NAA35: variants seen among roughly 807,000 people sequenced by gnomAD.
NAA35 encodes N-alpha-acetyltransferase 35, NatC auxiliary subunit.
A neutral mutation model predicts 101.7 loss-of-function variants in NAA35; 18 were observed. The observed-to-expected ratio is 0.18, with a 90% CI of 0.12 to 0.26. The LOEUF is 0.26. NAA35 is among the 10% of genes least tolerant of loss of function. The pLI, the probability that NAA35 is intolerant of heterozygous loss-of-function variation, is 1.00. For missense variants in NAA35, 601 were observed against 886.8 expected (o/e 0.68, Z 4.09); for synonymous variants, 267 against 273.1 (o/e 0.98, Z 0.22).
At chr9:85,986,926 T>A (rs1440094572) in intron 11 of NAA35, 1 of 165,352 alleles carries the variant, frequency 6.0e-6, no homozygotes, top group African/African-American at 2.4e-5. Flanking sequence ...AGGGCCACCC[T>A]GGAAGAAGAA....
At chr9:85,957,071 AC>A (rs1451860111) in intron 3 of NAA35, among the ~76,000 whole-genome samples, 3 of 152,020 alleles carry the variant, frequency 2.0e-5, no homozygotes, top group Non-Finnish European at 1.5e-5. Flanking sequence ...GTGCCGACCC[AC>A]CCCCTCACAG....
chr9:86,009,829 T>A lies in NAA35; in HGVS notation c.1224-36T>A, dbSNP rs201266480. The stretch of plus-strand genomic sequence containing the variant: ...TAATTGCTGCTGCTTTTGTTTGGGC[T>A]GAATAGATTTTAATGATGTGACTGT... On this transcript the variant is annotated intron_variant, in intron 14 of 22. Coordinates refer to ENST00000361671, the MANE Select transcript of NAA35 (RefSeq NM_024635.4). 1.7e-3 allele frequency: 2,611 copies of A among 1,536,802 alleles called. 70 individuals carry two copies. In the South Asian group the frequency reaches 0.027, roughly 16 times the overall value.
Position 86,007,376 on chromosome 9 carries a change from A to C in NAA35, c.1135A>C (p.Asn379His). ...TTTTAAGACCACTTTCCTGGTGGATAACAAAAAGGTCTTTGGAACTCATCT... is the reference window on the plus strand; with the variant it reads ...TTTTAAGACCACTTTCCTGGTGGATCACAAAAAGGTCTTTGGAACTCATCT... ...SLLQTTFLVD[N>H]KKVFGTHLMQ... The change falls in exon 14 of 23, where the codon AAC becomes CAC. Residue 379 changes from asparagine to histidine, a missense_variant. By Grantham distance (68) the Asn-to-His change is moderately conservative. Around this residue, in one of 8 missense-constraint regions of NAA35, gnomAD observed 190 missense variants for 223.1 expected, o/e 0.85. Coordinates refer to ENST00000361671, the MANE Select transcript of NAA35 (RefSeq NM_024635.4). The C allele has an allele frequency of 6.2e-7, 1 of 1,613,274 alleles. No homozygotes were observed. Among genetic ancestry groups the C allele is most frequent in the Non-Finnish European group, 8.5e-7 (1 of 1,179,402 alleles).
chr9:85,970,776 G>C (rs1403151425), intron 6 of NAA35, among the ~76,000 whole-genome samples: 7 of 152,176 alleles, frequency 4.6e-5, no homozygotes, highest in Non-Finnish European at 8.8e-5. Context: ...GATTAAAGGA[G>C]GTTAGAGACA....
chr9:85,978,244 G>A, intron 10 of NAA35, 23 bp from the exon 11 acceptor site: 1 of 1,382,886 alleles, frequency 7.2e-7, no homozygotes, highest in Non-Finnish European at 1.0e-6. Flanking sequence ...ATGTAAGAAT[G>A]TTTTTGGTGA....
chr9:85,974,846 C>T, intron 6 of NAA35, 121 bp from the exon 7 acceptor site: 2 of 680,868 alleles, frequency 2.9e-6, no homozygotes, highest in South Asian at 1.9e-5. Context: ...GGATGACCTC[C>T]CATTTCTCTT....
chr9:85,971,187 C>G (rs1829983063), intron 6 of NAA35, among the ~76,000 whole-genome samples: 1 of 152,132 alleles, frequency 6.6e-6, no homozygotes, highest in Admixed American at 6.5e-5. Context: ...TAATGATTTG[C>G]TTATGTTACT....
chr9:85,942,978 C>CA (rs1254512254), intron 2 of NAA35, among the ~76,000 whole-genome samples: 2 of 152,156 alleles, frequency 1.3e-5, no homozygotes, highest in African/African-American at 4.8e-5. Flanking sequence ...TTATTTTCTT[C>CA]ATACAGCTTA....
chr9:86,001,673 T>C (rs1215680431), intron 12 of NAA35, among the ~76,000 whole-genome samples: 1 of 152,198 alleles, frequency 6.6e-6, no homozygotes, highest in Non-Finnish European at 1.5e-5. Flanking sequence ...CTGTTTTGTC[T>C]GAAATTAGGA....
chr9:85,955,132 G>T (rs769616408), intron 2 of NAA35, among the ~76,000 whole-genome samples: 1 of 151,282 alleles, frequency 6.6e-6, no homozygotes, highest in Admixed American at 6.6e-5. Context: ...GGCCGTGCTG[G>T]TCTCAAACTC....
At chr9:85,943,556 C>A (rs916224630) in intron 2 of NAA35, among the ~76,000 whole-genome samples, 8 of 152,088 alleles carry the variant, frequency 5.3e-5, no homozygotes, top group Non-Finnish European at 8.8e-5. Context: ...GTTTTGAAAT[C>A]ACTTTTTATA....
At chr9:86,021,761 ATTAACCTAGTTT>A (rs1832570228) in intron 22 of NAA35, 128 bp from the exon 23 acceptor site, 6 of 682,098 alleles carry the variant, frequency 8.8e-6, no homozygotes, top group Non-Finnish European at 1.5e-5. Context: ...CTTTTTTGTC[ATTAACCTAGTTT>A]TTAAAATCTA....
intron 6 of NAA35, among the ~76,000 whole-genome samples, chr9:85,974,210 C>T (rs1466089714): frequency 3.3e-5 from 5 of 152,132 alleles, no homozygotes; most frequent in African/African-American, 9.7e-5. Context: ...CCACCCGCCT[C>T]GGTCTCCCAA....
At chr9:85,941,331 C>T in intron 1 of NAA35, 58 bp downstream of exon 1, 1 of 985,588 alleles carries the variant, frequency 1.0e-6, no homozygotes, top group Non-Finnish European at 1.2e-6. Context: ...CCGAGAGCCG[C>T]AGCCCCCCGC....
chr9:86,003,022 T>C (rs147891672), intron 12 of NAA35, among the ~76,000 whole-genome samples: 2,430 of 149,920 alleles, frequency 0.016, 59 homozygotes, highest in African/African-American at 0.054. Flanking sequence ...ACTTCTTTTC[T>C]GGATGTTTTC....
At chr9:85,974,398 G>A (rs1431593948) in intron 6 of NAA35, among the ~76,000 whole-genome samples, 1 of 152,158 alleles carries the variant, frequency 6.6e-6, no homozygotes, top group Non-Finnish European at 1.5e-5. Flanking sequence ...ATTTGTTAAT[G>A]ACTCAGCAAT....
At chr9:85,949,749 A>C (rs1213054213) in intron 2 of NAA35, among the ~76,000 whole-genome samples, 2 of 151,572 alleles carry the variant, frequency 1.3e-5, no homozygotes, top group Non-Finnish European at 2.9e-5. Flanking sequence ...TTTGCTCTGA[A>C]TGGTGTAAGC....
At chr9:85,966,486 A>C in intron 6 of NAA35, 1 of 405,814 alleles carries the variant, frequency 2.5e-6, no homozygotes, top group Non-Finnish European at 4.2e-6. Context: ...GAATGTTTAT[A>C]ACACCTTTAA....
intron 15 of NAA35, among the ~76,000 whole-genome samples, chr9:86,011,905 ATATATAT>A (rs934535286): frequency 1.4e-5 from 2 of 141,202 alleles, no homozygotes; most frequent in African/African-American, 5.2e-5. Context: ...ATATATATTA[ATATATAT>A]TATATATCAT....
Sources: gnomAD v4.1 joint callset for allele counts (sites outside exome capture counted in the v4.1 genomes callset) on GRCh38, gnomAD v4.1.1 for gene constraint, gnomAD v4.1.1 regional missense constraint, MANE v1.5 for transcripts, NCBI Gene and HGNC (gene_info 2026-07-23, HGNC 2026-07-21) for gene names.